RHD: variants seen among roughly 807,000 people sequenced by gnomAD.
RHD encodes the protein blood group Rh(D) polypeptide.
RHD carries 16 observed loss-of-function variants against 45.5 expected under a neutral mutation model. The observed-to-expected ratio is 0.35, with a 90% CI of 0.24 to 0.53. RHD has a LOEUF of 0.53. Among genes scored for constraint, RHD ranks in the 20% least tolerant of loss-of-function variants. The pLI is 0.92. For synonymous variants in RHD, 131 were observed against 217.5 expected (o/e 0.60, Z 3.50); for missense variants, 306 against 532.0 (o/e 0.58, Z 4.18).
chr1:25,317,642 T>G, intron 8 of RHD, among the ~76,000 whole-genome samples: 1 of 11,710 alleles, frequency 8.5e-5, no homozygotes. Flanking sequence ...GGGGTGTTCT[T>G]TTAGGGGGGT....
Position 25,329,237 on chromosome 1 carries a change from GTTT to G in RHD, c.*336_*338del, listed in dbSNP as rs71014352. On this transcript the variant is annotated 3_prime_UTR_variant, in exon 10 of 10. Coordinates refer to ENST00000328664, the MANE Select transcript of RHD (RefSeq NM_016124.6). ...TAAGGTTAATTTATTATTATTCCTT[GTTT>G]TTTTTTTTTTTTTTTTTTTTTTGAG... 0.013 allele frequency: 3,098 copies of G among 231,404 alleles called. 13 individuals carry two copies. The highest frequency in any genetic ancestry group is 0.08 in the African/African-American group (1,771 of 22,272). 14.3% of individuals were successfully genotyped at this position (231,404 alleles called of 1,614,324 possible). A position where few individuals can be genotyped will look rare whatever the true frequency, so the allele number is the denominator to read the frequency against.
rs1306043534 is a variant in RHD, at chr1:25,282,122, C to T, written c.149-2451C>T. ...ACTAAACATTATTTCCTTTGGATTTCCCAGAAACCTCTCAGGTGGGTCTAA... is the reference window on the plus strand; with the variant it reads ...ACTAAACATTATTTCCTTTGGATTTTCCAGAAACCTCTCAGGTGGGTCTAA... On this transcript the variant is annotated intron_variant, in intron 1 of 9. Transcript: ENST00000328664. Among the ~76,000 whole-genome samples the T allele has an allele frequency of 1.7e-4, 23 of 132,382 alleles. 5 individuals carry two copies. The highest frequency in any genetic ancestry group is 5.4e-5 in the Non-Finnish European group (3 of 55,836). 86.8% of individuals were successfully genotyped at this position (132,382 alleles called of 152,430 possible). A position where few individuals can be genotyped will look rare whatever the true frequency, so the allele number is the denominator to read the frequency against.
At position 25,318,939 on chromosome 1, in the gene RHD, T is replaced by G. The variant is rs113887540; in HGVS notation, c.1153+1860T>G. 3.7e-5 allele frequency among the ~76,000 whole-genome samples: 5 copies of G among 133,474 alleles called. No individual in the cohort carries two copies. In the East Asian group the frequency reaches 5.8e-4, roughly 16 times the overall value. 87.6% of individuals were successfully genotyped at this position (133,474 alleles called of 152,430 possible). A position where few individuals can be genotyped will look rare whatever the true frequency, so the allele number is the denominator to read the frequency against. On this transcript the variant is annotated intron_variant, in intron 8 of 9. Transcript: ENST00000328664. ...TATACCATGTCTGGCCTTAGCTTTTTGCAGAGTCTTTGTGAAGAAGCAGAG... is the reference window on the plus strand; with the variant it reads ...TATACCATGTCTGGCCTTAGCTTTTGGCAGAGTCTTTGTGAAGAAGCAGAG...
chr1:25,319,929 G>T (rs1256352248), intron 8 of RHD, among the ~76,000 whole-genome samples: 1 of 130,162 alleles, frequency 7.7e-6, no homozygotes. Flanking sequence ...ACGCAGTTTT[G>T]CTCTTGTTGC....
intron 1 of RHD, among the ~76,000 whole-genome samples, chr1:25,281,215 AGT>A (rs1264300459): frequency 1.5e-5 from 2 of 131,056 alleles, no homozygotes; most frequent in African/African-American, 5.3e-5. Context: ...GGGGCCTGGT[AGT>A]TAGTTCACTG....
rs1640940977 is a variant in RHD at position 25,276,188 on chromosome 1, G to A, written c.148+3493G>A. ...GTTAGGTATGATAAAAGCATGGTGGGTTGTTTTTGTTTTTGTTTTTTAAGT... is the reference window on the plus strand; with the variant it reads ...GTTAGGTATGATAAAAGCATGGTGGATTGTTTTTGTTTTTGTTTTTTAAGT... On this transcript the variant is annotated intron_variant, in intron 1 of 9. Coordinates refer to ENST00000328664, the MANE Select transcript of RHD (RefSeq NM_016124.6). Among the ~76,000 whole-genome samples, 2 of 130,876 alleles carry A rather than the reference G, an allele frequency of 1.5e-5. 1 individual carries two copies. The highest frequency in any genetic ancestry group is 4.6e-4 in the South Asian group (2 of 4,340). The allele number at this position is 130,876 out of a possible 152,430, so 85.9% of individuals were successfully genotyped here.
rs768456998 is a variant in RHD, at chr1:25,272,576, G to C, written c.29G>C (p.Arg10Pro). MSSKYPRSVRRCLPLWALTL... is the reference protein window; with the variant it reads MSSKYPRSVPRCLPLWALTL... ...AGCTCTAAGTACCCGCGGTCTGTCC[G>C]GCGCTGCCTGCCCCTCTGGGCCCTA... Residue 10 changes from arginine (R) to proline (P), a missense_variant, in exon 1 of 10, where the codon CGG becomes CCG. Arg to Pro is a moderately radical substitution (Grantham distance 103, BLOSUM62 -2). Coordinates refer to ENST00000328664, the MANE Select transcript of RHD (RefSeq NM_016124.6). 2 of 1,583,350 alleles carry C rather than the reference G, an allele frequency of 1.3e-6. No individual in the cohort carries two copies. Among genetic ancestry groups the C allele is most frequent in the East Asian group, 4.5e-5 (2 of 44,778 alleles).
rs1473728922 is a variant in RHD at position 25,313,002 on chromosome 1, T to G, written c.1074-3998T>G. Among the ~76,000 whole-genome samples, 2 of 117,064 alleles carry G rather than the reference T, an allele frequency of 1.7e-5. 1 individual carries two copies. 76.8% of individuals were successfully genotyped at this position (117,064 alleles called of 152,430 possible). The stretch of plus-strand genomic sequence containing the variant: ...TTTTGCATGTAAGAAGGACATGCAT[T>G]TTGGGGGCTGGGGCAGGATGCTGTG... On this transcript the variant is annotated intron_variant, in intron 7 of 9. Coordinates refer to ENST00000328664, the MANE Select transcript of RHD (RefSeq NM_016124.6).
intron 3 of RHD, among the ~76,000 whole-genome samples, chr1:25,292,264 T>C (rs1642573704): frequency 2.3e-5 from 3 of 132,166 alleles, no homozygotes; most frequent in Admixed American, 2.2e-4. Context: ...CTAGGGAGTG[T>C]TGGGCAGAGG....
chr1:25,280,210 G>A (rs1402099460), intron 1 of RHD, among the ~76,000 whole-genome samples: 1 of 128,530 alleles, frequency 7.8e-6, no homozygotes, highest in East Asian at 2.0e-4. Context: ...TGGGGAGGAA[G>A]GCCCTGAGCG....
intron 7 of RHD, among the ~76,000 whole-genome samples, chr1:25,315,879 T>A (rs1367631162): frequency 7.6e-6 from 1 of 131,576 alleles, no homozygotes; most frequent in Non-Finnish European, 1.8e-5. Flanking sequence ...ACTGTCATTA[T>A]TTCTCCCACT....
In RHD at chr1:25,280,752, C is replaced by T. The variant is rs1439043843; in HGVS notation, c.149-3821C>T. On this transcript the variant is annotated intron_variant, in intron 1 of 9. Coordinates refer to ENST00000328664, the MANE Select transcript of RHD (RefSeq NM_016124.6). Reference sequence around the variant, plus strand: ...TCACCCTCCTGAGTAGCTGGGACTACAGGCACTCGCCACCACGCCCAAGTA... The same window carrying T: ...TCACCCTCCTGAGTAGCTGGGACTATAGGCACTCGCCACCACGCCCAAGTA... Among the ~76,000 whole-genome samples the T allele has an allele frequency of 4.2e-4, 55 of 130,756 alleles. 7 individuals carry two copies. Among genetic ancestry groups the T allele is most frequent in the African/African-American group, 1.4e-3 (54 of 38,258 alleles). 85.8% of individuals were successfully genotyped at this position (130,756 alleles called of 152,430 possible).
intron 7 of RHD, among the ~76,000 whole-genome samples, chr1:25,310,400 T>C (rs1043568212): frequency 7.5e-6 from 1 of 132,872 alleles, no homozygotes; most frequent in African/African-American, 2.6e-5. Context: ...CTCCATGTCA[T>C]GATGCAGCAA....
chr1:25,311,449 C>T lies in RHD; in HGVS notation c.1073+4720C>T, dbSNP rs1440445050. ...CTGAGGCAGGAGAATGGCATGAACC[C>T]GGGAGGCAGAGCTTGCAGTGAGCCA... On this transcript the variant is annotated intron_variant, in intron 7 of 9. Coordinates refer to ENST00000328664, the MANE Select transcript of RHD (RefSeq NM_016124.6). Among the ~76,000 whole-genome samples the T allele has an allele frequency of 2.3e-5, 3 of 130,274 alleles. 1 individual carries two copies. Among genetic ancestry groups the T allele is most frequent in the Non-Finnish European group, 5.4e-5 (3 of 55,056 alleles). 85.5% of individuals were successfully genotyped at this position (130,274 alleles called of 152,430 possible). A position where few individuals can be genotyped will look rare whatever the true frequency, so the allele number is the denominator to read the frequency against.
At position 25,310,934 on chromosome 1, in the gene RHD, T is replaced by C. The variant is rs185961375; in HGVS notation, c.1073+4205T>C. ...GTTGCAGTGAGCTGAGATCGTGCTATTGCACTCCAGCTTGGGCAACAAGAG... is the reference window on the plus strand; with the variant it reads ...GTTGCAGTGAGCTGAGATCGTGCTACTGCACTCCAGCTTGGGCAACAAGAG... On this transcript the variant is annotated intron_variant, in intron 7 of 9. Transcript: ENST00000328664. 9.4e-3 allele frequency among the ~76,000 whole-genome samples: 1,188 copies of C among 126,182 alleles called. 141 individuals carry two copies. Among genetic ancestry groups the C allele is most frequent in the African/African-American group, 0.03 (1,131 of 37,126 alleles). 82.8% of individuals were successfully genotyped at this position (126,182 alleles called of 152,430 possible). A position where few individuals can be genotyped will look rare whatever the true frequency, so the allele number is the denominator to read the frequency against.
chr1:25,295,852 T>A (rs1423565484), intron 3 of RHD, among the ~76,000 whole-genome samples: 1 of 37,892 alleles, frequency 2.6e-5, no homozygotes, highest in African/African-American at 6.8e-5. Context: ...TATGGGAAAT[T>A]TTTTTTTTTT....
rs1181096428 is a variant in RHD at position 25,290,560 on chromosome 1, A to C, written c.336-81A>C. ...CCCAACAGTGTTTGTTGAAAGAATG[A>C]ATGAATGAATGAATGAATGAATGAA... On this transcript the variant is annotated intron_variant, in intron 2 of 9. Coordinates refer to ENST00000328664, the MANE Select transcript of RHD (RefSeq NM_016124.6). 13 of 1,076,710 alleles carry C rather than the reference A, an allele frequency of 1.2e-5. 2 individuals are homozygous for C. The highest frequency in any genetic ancestry group is 5.0e-5 in the African/African-American group (3 of 60,028). The allele number at this position is 1,076,710 out of a possible 1,614,324, so 66.7% of individuals were successfully genotyped here. A position where few individuals can be genotyped will look rare whatever the true frequency, so the allele number is the denominator to read the frequency against.
intron 7 of RHD, among the ~76,000 whole-genome samples, chr1:25,313,106 C>A (rs554790518): frequency 7.9e-6 from 1 of 126,796 alleles, no homozygotes; most frequent in African/African-American, 2.7e-5. Context: ...GGAGGTGAAG[C>A]CTTTGGGAGG....
At chr1:25,286,841 C>G (rs1431996608) in intron 2 of RHD, among the ~76,000 whole-genome samples, 2 of 133,686 alleles carry the variant, frequency 1.5e-5, no homozygotes, top group African/African-American at 2.6e-5. Context: ...TGCCTGTAAT[C>G]CTAGTACTTT....
Sources: allele counts gnomAD v4.1 joint callset (sites outside exome capture counted in the v4.1 genomes callset), GRCh38; gene constraint gnomAD v4.1.1; transcripts MANE v1.5; gene names NCBI Gene and HGNC (gene_info 2026-07-23, HGNC 2026-07-21).